Variants in DPF3 observed in about 807,000 individuals in gnomAD.
The protein encoded by DPF3 is zinc finger protein DPF3.
A neutral mutation model predicts 56.8 loss-of-function variants in DPF3; 18 were observed. The observed-to-expected ratio is 0.32, with a 90% CI of 0.22 to 0.47. The LOEUF (loss-of-function observed/expected upper bound fraction) is 0.47, where lower values mean the gene tolerates loss of function less well. DPF3 is among the 20% of genes least tolerant of loss of function. DPF3 has a pLI of 1.00. For missense variants in DPF3, 403 were observed against 488.8 expected, an observed-to-expected ratio of 0.82 and a Z score of 1.65; for synonymous variants, 188 against 180.2, an observed-to-expected ratio of 1.04 and a Z score of -0.35.
intron 8 of DPF3, among the ~76,000 whole-genome samples, chr14:72,637,720 A>G (rs1283462753): frequency 6.6e-6 from 1 of 152,200 alleles, no homozygotes; most frequent in African/African-American, 2.4e-5. Context: ...TGGTATTTTT[A>G]AAGATACTAC....
At chr14:72,638,541 T>G (rs1885450761) in intron 8 of DPF3, among the ~76,000 whole-genome samples, 1 of 152,230 alleles carries the variant, frequency 6.6e-6, no homozygotes, top group African/African-American at 2.4e-5. Flanking sequence ...AAAACAGCAG[T>G]GATTGGTCAA....
chr14:72,672,042 C>CAT (rs1567195984), intron 8 of DPF3, among the ~76,000 whole-genome samples: 10 of 114,456 alleles, frequency 8.7e-5, no homozygotes, highest in Non-Finnish European at 1.6e-4. Flanking sequence ...CACACACACA[C>CAT]ACACACACAC....
At chr14:72,812,457 GGGAGGGGCTT>G (rs1287448847) in intron 1 of DPF3, among the ~76,000 whole-genome samples, 2 of 152,182 alleles carry the variant, frequency 1.3e-5, no homozygotes, top group African/African-American at 4.8e-5. Flanking sequence ...TTTGGGAGCT[GGGAGGGGCTT>G]GGAGGCAACA....
intron 1 of DPF3, among the ~76,000 whole-genome samples, chr14:72,791,526 G>T (rs1333636037): frequency 6.6e-6 from 1 of 152,364 alleles, no homozygotes; most frequent in Middle Eastern, 3.4e-3. Flanking sequence ...AAAGCAGAGA[G>T]CATCGGGTCC....
At chr14:72,782,594 GGAGGCT>G (rs1438772148) in intron 1 of DPF3, among the ~76,000 whole-genome samples, 1 of 152,206 alleles carries the variant, frequency 6.6e-6, no homozygotes, top group East Asian at 1.9e-4. Context: ...CAGCACTTTG[GGAGGCT>G]GAGGTGGGTG....
chr14:72,810,016 G>A (rs1464118585), intron 1 of DPF3, among the ~76,000 whole-genome samples: 1 of 152,190 alleles, frequency 6.6e-6, no homozygotes, highest in Non-Finnish European at 1.5e-5. Flanking sequence ...ACTTAGCACT[G>A]TGCCTGTACA....
rs1883834290 is a variant in DPF3, at chr14:72,612,972, C to G, written c.*6325G>C. On this transcript the variant is annotated 3_prime_UTR_variant, in exon 11 of 11. Coordinates refer to ENST00000556509, the MANE Select transcript of DPF3 (RefSeq NM_001280542.3). ...TGTCCTGGAGCAACATCAAAGTTTC[C>G]CTTTGGTTCATTAAGTAGGGCGTGT... Among the ~76,000 whole-genome samples, 1 of 148,644 alleles carries G rather than the reference C, an allele frequency of 6.7e-6. No individual in the cohort carries two copies. Among genetic ancestry groups the G allele is most frequent in the Admixed American group, 6.7e-5 (1 of 14,928 alleles).
chr14:72,866,586 G>A (rs1307083483), intron 1 of DPF3, among the ~76,000 whole-genome samples: 1 of 150,632 alleles, frequency 6.6e-6, no homozygotes, highest in Non-Finnish European at 1.5e-5. Flanking sequence ...GCTGGGTGTG[G>A]TGGCTCACGC....
chr14:72,695,263 C>G lies in DPF3; in HGVS notation c.605-2050G>C, dbSNP rs78389787. Among the ~76,000 whole-genome samples, 734 of 152,296 alleles carry G rather than the reference C, an allele frequency of 4.8e-3. 7 individuals carry two copies. The highest frequency in any genetic ancestry group is 0.015 in the African/African-American group (627 of 41,566). On this transcript the variant is annotated intron_variant, in intron 6 of 10. Transcript: ENST00000556509. ...TTATAAATAGCATTTGCAAGCAGCT[C>G]TCTCAATACCCAGCACATAATAGAT...
chr14:72,701,633 G>A (rs909387668), intron 6 of DPF3, among the ~76,000 whole-genome samples: 2 of 152,284 alleles, frequency 1.3e-5, no homozygotes, highest in South Asian at 2.1e-4. Context: ...CCTTCCTGCC[G>A]GGGAGAAGCG....
At position 72,611,335 on chromosome 14, in the gene DPF3, C is replaced by A. The variant is rs1883711457; in HGVS notation, c.*7962G>T. Among the ~76,000 whole-genome samples the A allele has an allele frequency of 6.6e-6, 1 of 152,216 alleles. No homozygotes were observed. The highest frequency in any genetic ancestry group is 2.1e-4 in the South Asian group (1 of 4,834). ...CAACACAAACAACTGAGAGTCTAAGCCAGCACGAAGCTAGGATCTGACAAG... is the reference window on the plus strand; with the variant it reads ...CAACACAAACAACTGAGAGTCTAAGACAGCACGAAGCTAGGATCTGACAAG... On this transcript the variant is annotated 3_prime_UTR_variant, in exon 11 of 11. Transcript: ENST00000556509.
intron 7 of DPF3, among the ~76,000 whole-genome samples, chr14:72,676,475 A>G (rs1886912947): frequency 1.3e-5 from 2 of 152,210 alleles, no homozygotes; most frequent in East Asian, 3.8e-4. Flanking sequence ...TAAAATATAG[A>G]GTATAAAAGC....
intron 3 of DPF3, among the ~76,000 whole-genome samples, chr14:72,750,457 A>C (rs1330783563): frequency 6.6e-6 from 1 of 152,236 alleles, no homozygotes; most frequent in African/African-American, 2.4e-5. Context: ...AAACATGTCA[A>C]GCACTTATAA....
intron 6 of DPF3, among the ~76,000 whole-genome samples, chr14:72,698,588 G>A (rs763504838): frequency 1.1e-4 from 17 of 152,208 alleles, no homozygotes; most frequent in Non-Finnish European, 7.3e-5. Context: ...TCAGGAGGCT[G>A]TGGTGGGAAG....
chr14:72,766,901 G>T (rs1891309928), intron 2 of DPF3, among the ~76,000 whole-genome samples: 2 of 152,234 alleles, frequency 1.3e-5, no homozygotes, highest in African/African-American at 4.8e-5. Flanking sequence ...AGCCTAGCAA[G>T]ACAAGCAGGC....
intron 1 of DPF3, among the ~76,000 whole-genome samples, chr14:72,782,765 A>G (rs1892033144): frequency 6.6e-6 from 1 of 152,100 alleles, no homozygotes; most frequent in South Asian, 2.1e-4. Flanking sequence ...CCTGGAAGAC[A>G]GAGGTTGCAG....
chr14:72,859,476 C>G (rs565322797), intron 1 of DPF3, among the ~76,000 whole-genome samples: 85 of 106,954 alleles, frequency 7.9e-4, no homozygotes, highest in Non-Finnish European at 1.2e-3. Flanking sequence ...TCCTCCCCCC[C>G]CCCCCCCACA....
intron 1 of DPF3, among the ~76,000 whole-genome samples, chr14:72,844,399 A>C (rs1463334227): frequency 6.6e-6 from 1 of 152,184 alleles, no homozygotes; most frequent in South Asian, 2.1e-4. Flanking sequence ...GGAGGGGGGA[A>C]AATTCCCCGT....
chr14:72,709,608 G>A (rs1888567710), intron 6 of DPF3, among the ~76,000 whole-genome samples: 1 of 152,124 alleles, frequency 6.6e-6, no homozygotes, highest in African/African-American at 2.4e-5. Flanking sequence ...TGAAACTCCA[G>A]GGTAGGAGAG....
Sources: allele counts gnomAD v4.1 joint callset (sites outside exome capture counted in the v4.1 genomes callset), GRCh38; gene constraint gnomAD v4.1.1; transcripts MANE v1.5; gene names NCBI Gene and HGNC (gene_info 2026-07-23, HGNC 2026-07-21).